Variants in LSM11 observed in about 807,000 individuals in gnomAD.
LSM11 encodes the protein LSM11, U7 small nuclear RNA associated.
Under a neutral mutation model 28.1 loss-of-function variants are expected in LSM11, and 14 were observed. The observed-to-expected ratio is 0.50, with a 90% CI of 0.33 to 0.78. The LOEUF (loss-of-function observed/expected upper bound fraction) is 0.78. LSM11 is among the 30% of genes least tolerant of loss of function. The probability of loss-of-function intolerance (pLI) is 0.02; values close to 1 mark genes in which losing one functional copy is unlikely to be tolerated. For missense variants in LSM11, 495 were observed against 510.6 expected (o/e 0.97, Z 0.30); for synonymous variants, 207 against 214.2 (o/e 0.97, Z 0.30).
intron 1 of LSM11, 137 bp from the exon 2 acceptor site, chr5:157,751,253 G>T: frequency 1.1e-6 from 1 of 911,010 alleles, no homozygotes; most frequent in Non-Finnish European, 1.6e-6. Context: ...TTGCCCATTG[G>T]ACCTTCCTGT....
intron 1 of LSM11, among the ~76,000 whole-genome samples, chr5:157,751,074 G>T (rs770825115): frequency 1.3e-5 from 2 of 152,134 alleles, no homozygotes; most frequent in African/African-American, 4.8e-5. Context: ...GAGCCACCAC[G>T]CCCGGCCAAC....
chr5:157,747,814 G>A (rs1459736265), intron 1 of LSM11: 1 of 152,292 alleles, frequency 6.6e-6, no homozygotes. Flanking sequence ...TTACACAGAG[G>A]TTGCCAAAAG....
Position 157,759,926 on chromosome 5 carries a change from G to A in LSM11, c.*4662G>A, listed in dbSNP as rs912577814. On this transcript the variant is annotated 3_prime_UTR_variant, in exon 4 of 4. Coordinates refer to ENST00000286307, the MANE Select transcript of LSM11 (RefSeq NM_173491.4). ...TTGAGTGTTTTTCAAATGTTTGTAC[G>A]TTATCTTGCACTGCTCTAATAAAAA... 3.9e-5 allele frequency: 6 copies of A among 152,286 alleles called. No individual in the cohort carries two copies. The highest frequency in any genetic ancestry group is 2.1e-4 in the South Asian group (1 of 4,828). 9.4% of individuals were successfully genotyped at this position (152,286 alleles called of 1,614,324 possible).
intron 1 of LSM11, among the ~76,000 whole-genome samples, chr5:157,745,245 C>A (rs1468691176): frequency 6.6e-6 from 1 of 152,206 alleles, no homozygotes; most frequent in Non-Finnish European, 1.5e-5. Context: ...AAATTGTTAC[C>A]TTATTAAGTC....
rs774166837 is a variant in LSM11 at position 157,754,978 on chromosome 5, G to C, written c.797G>C (p.Gly266Ala). 1 of 1,614,206 alleles carries C rather than the reference G, an allele frequency of 6.2e-7. No homozygotes were observed. Among genetic ancestry groups the C allele is most frequent in the South Asian group, 1.1e-5 (1 of 91,080 alleles). ...TSTWKLASVW[G>A]RADTGRGSHK... ...ACTTGGAAGTTGGCTTCAGTGTGGG[G>C]AAGAGCAGACACTGGCCGGGGCTCA... Residue 266 changes from glycine to alanine, a missense_variant, in exon 4 of 4, where the codon GGA (glycine) becomes GCA (alanine). Gly to Ala is a moderately conservative substitution (Grantham distance 60, BLOSUM62 0). Coordinates refer to ENST00000286307, the MANE Select transcript of LSM11 (RefSeq NM_173491.4).
In LSM11 at chr5:157,754,937, A is replaced by G. The variant is rs1438606251; in HGVS notation, c.756A>G (p.Arg252=). 10 of 1,613,940 alleles carry G rather than the reference A, an allele frequency of 6.2e-6. No individual in the cohort carries two copies. Among genetic ancestry groups the G allele is most frequent in the Non-Finnish European group, 8.5e-6 (10 of 1,179,872 alleles). Residue 252 remains arginine (R), a synonymous_variant, in exon 4 of 4, where the codon AGA becomes AGG. Coordinates refer to ENST00000286307, the MANE Select transcript of LSM11 (RefSeq NM_173491.4). ...CAGTTGAAGATTCCACTCTGTCTAG[A>G]TACTCACAGACATCCACTTGGAAGT... The part of the protein sequence containing the change: ...KSAVEDSTLS[R]YSQTSTWKLA...
chr5:157,747,677 T>G (rs1287593028), intron 1 of LSM11: 1 of 155,728 alleles, frequency 6.4e-6, no homozygotes, highest in Non-Finnish European at 1.4e-5. Flanking sequence ...TTTAATAAAG[T>G]GATATTCTTT....
At chr5:157,752,141 A>G (rs1761241634) in intron 2 of LSM11, among the ~76,000 whole-genome samples, 1 of 151,876 alleles carries the variant, frequency 6.6e-6, no homozygotes, top group African/African-American at 2.4e-5. Context: ...ACATCAGTAA[A>G]CAAAGCATTT....
At chr5:157,751,207 G>A (rs989461594) in intron 1 of LSM11, among the ~76,000 whole-genome samples, 183 bp from the exon 2 acceptor site, 1 of 152,150 alleles carries the variant, frequency 6.6e-6, no homozygotes, top group African/African-American at 2.4e-5. Flanking sequence ...TTGGAATCTA[G>A]TCTTGTGTCA....
rs1761388342 is a variant in LSM11, at chr5:157,760,197, T to C, written c.*4933T>C. On this transcript the variant is annotated 3_prime_UTR_variant, in exon 4 of 4. Transcript: ENST00000286307. ...TTGATTTTTAGTCCTTTGGAACAAATGTGTGATGTTATGTCTGATGTTGTG... is the reference window on the plus strand; with the variant it reads ...TTGATTTTTAGTCCTTTGGAACAAACGTGTGATGTTATGTCTGATGTTGTG... 1 of 152,196 alleles carries C rather than the reference T, an allele frequency of 6.6e-6. No homozygotes were observed. Among genetic ancestry groups the C allele is most frequent in the African/African-American group, 2.4e-5 (1 of 41,426 alleles). 9.4% of individuals were successfully genotyped at this position (152,196 alleles called of 1,614,324 possible).
chr5:157,744,857 AC>A (rs1322418527), intron 1 of LSM11, among the ~76,000 whole-genome samples: 2 of 152,218 alleles, frequency 1.3e-5, no homozygotes, highest in Admixed American at 6.5e-5. Context: ...GTCTTGATAC[AC>A]ATATGTTCAC....
intron 3 of LSM11, 95 bp downstream of exon 3, chr5:157,754,182 G>A (rs1319237377): frequency 3.8e-6 from 3 of 798,204 alleles, no homozygotes; most frequent in African/African-American, 1.8e-5. Context: ...TTCCTAGAGG[G>A]AAATCTCTGT....
In LSM11 at chr5:157,755,327, C is replaced by T; in HGVS notation, c.*63C>T. On this transcript the variant is annotated 3_prime_UTR_variant, in exon 4 of 4. Coordinates refer to ENST00000286307, the MANE Select transcript of LSM11 (RefSeq NM_173491.4). ...GCATGAATTGCTGCTATGCTGTATC[C>T]TAGTATCCCAGTGAAACTCTGAGTT... The T allele has an allele frequency of 1.3e-6, 2 of 1,506,854 alleles. No individual in the cohort carries two copies. The highest frequency in any genetic ancestry group is 1.8e-6 in the Non-Finnish European group (2 of 1,108,614). The allele number at this position is 1,506,854 out of a possible 1,614,324, so 93.3% of individuals were successfully genotyped here. A position where few individuals can be genotyped will look rare whatever the true frequency, so the allele number is the denominator to read the frequency against.
Position 157,756,403 on chromosome 5 carries a change from G to C in LSM11, c.*1139G>C, listed in dbSNP as rs1425026136. ...ATATTCTGTGCTTTTTCAATCACTA[G>C]TGCAGAATAGGCTGCATTTGACACA... On this transcript the variant is annotated 3_prime_UTR_variant, in exon 4 of 4. Transcript: ENST00000286307. 6.6e-6 allele frequency: 1 copy of C among 152,594 alleles called. No individual in the cohort carries two copies. The highest frequency in any genetic ancestry group is 1.5e-5 in the Non-Finnish European group (1 of 68,050). The allele number at this position is 152,594 out of a possible 1,614,324, so 9.5% of individuals were successfully genotyped here. A position where few individuals can be genotyped will look rare whatever the true frequency, so the allele number is the denominator to read the frequency against.
Position 157,750,384 on chromosome 5 carries a change from T to G in LSM11, c.449-1006T>G, listed in dbSNP as rs573254534. ...CCCACGCTCTGAGAATCCTTCATAA[T>G]AAAAGCTGAAATTTATAGTCTCAAT... On this transcript the variant is annotated intron_variant, in intron 1 of 3. Transcript: ENST00000286307. Among the ~76,000 whole-genome samples the G allele has an allele frequency of 2.0e-5, 3 of 152,340 alleles. No individual in the cohort carries two copies. In the East Asian group the frequency reaches 5.8e-4, roughly 29 times the overall value.
chr5:157,760,347 A>G lies in LSM11; in HGVS notation c.*5083A>G, dbSNP rs756292165. 6.6e-6 allele frequency: 1 copy of G among 152,236 alleles called. No individual in the cohort carries two copies. Among genetic ancestry groups the G allele is most frequent in the Non-Finnish European group, 1.5e-5 (1 of 68,052 alleles). 9.4% of individuals were successfully genotyped at this position (152,236 alleles called of 1,614,324 possible). On this transcript the variant is annotated 3_prime_UTR_variant, in exon 4 of 4. Transcript: ENST00000286307. ...CCACTTCTTTTTCTGTTGTCCTGAC[A>G]GTAAAGCAAATAGTAAGCCATGTCT...
rs1761315168 is a variant in LSM11, at chr5:157,755,737, T to C, written c.*473T>C. The C allele has an allele frequency of 5.0e-6, 2 of 402,202 alleles. No individual in the cohort carries two copies. The highest frequency in any genetic ancestry group is 3.6e-5 in the East Asian group (1 of 28,130). 24.9% of individuals were successfully genotyped at this position (402,202 alleles called of 1,614,324 possible). Reference sequence around the variant, plus strand: ...CCACGTCTTGTAACTAACTTTTGAATTTTGCCTGACATGATTCTCTCTTGA... The same window carrying C: ...CCACGTCTTGTAACTAACTTTTGAACTTTGCCTGACATGATTCTCTCTTGA... On this transcript the variant is annotated 3_prime_UTR_variant, in exon 4 of 4. Coordinates refer to ENST00000286307, the MANE Select transcript of LSM11 (RefSeq NM_173491.4).
At chr5:157,744,898 C>T (rs570679650) in intron 1 of LSM11, among the ~76,000 whole-genome samples, 122 of 152,328 alleles carry the variant, frequency 8.0e-4, no homozygotes, top group African/African-American at 2.6e-3. Flanking sequence ...TGAAATGCAG[C>T]AGGCACAGAA....
At chr5:157,749,580 G>A (rs944966240) in intron 1 of LSM11, among the ~76,000 whole-genome samples, 314 of 84,324 alleles carry the variant, frequency 3.7e-3, no homozygotes, top group African/African-American at 0.014. Flanking sequence ...ACACGCGCGC[G>A]CACGCGCGCA....
Sources: gnomAD v4.1 joint callset for allele counts (sites outside exome capture counted in the v4.1 genomes callset) on GRCh38, gnomAD v4.1.1 for gene constraint, MANE v1.5 for transcripts, NCBI Gene and HGNC (gene_info 2026-07-23, HGNC 2026-07-21) for gene names.